Variants in PTPRD observed in about 807,000 individuals in gnomAD.
PTPRD encodes the protein receptor-type tyrosine-protein phosphatase delta.
In PTPRD, 34 loss-of-function variants were observed where a neutral mutation model predicts 214.5. The ratio of observed to expected loss-of-function variants is 0.16; its 90% CI spans 0.12 to 0.21. PTPRD has a LOEUF of 0.21. Ranked by LOEUF, PTPRD falls within the 10% of genes least tolerant of loss-of-function variation. The probability of loss-of-function intolerance (pLI) is 1.00; values close to 1 mark genes in which losing one functional copy is unlikely to be tolerated. For synonymous variants in PTPRD, 1,128 were observed against 845.7 expected (o/e 1.33, Z -5.79); for missense variants, 2,545 against 2,398.7 (o/e 1.06, Z -1.27).
At chr9:10,577,162 T>C (rs556484021) in intron 2 of PTPRD, among the ~76,000 whole-genome samples, 34 of 152,322 alleles carry the variant, frequency 2.2e-4, no homozygotes, top group African/African-American at 7.7e-4. Flanking sequence ...GAAAACTGCA[T>C]GTCTTCATTG....
At chr9:9,925,203 T>G (rs2083845229) in intron 5 of PTPRD, among the ~76,000 whole-genome samples, 1 of 152,110 alleles carries the variant, frequency 6.6e-6, no homozygotes, top group South Asian at 2.1e-4. Context: ...CTTATACTAC[T>G]GTAGAGAGGC....
chr9:10,027,087 G>C (rs760149324), intron 4 of PTPRD, among the ~76,000 whole-genome samples: 1 of 152,096 alleles, frequency 6.6e-6, no homozygotes, highest in South Asian at 2.1e-4. Flanking sequence ...TATTAATTCA[G>C]TTCACTCTGG....
intron 11 of PTPRD, among the ~76,000 whole-genome samples, chr9:8,968,008 GT>G (rs764112681): frequency 4.7e-4 from 71 of 151,132 alleles, no homozygotes; most frequent in African/African-American, 1.6e-3. Flanking sequence ...GTGGTGTTTG[GT>G]TTTTTTTTCC....
intron 8 of PTPRD, among the ~76,000 whole-genome samples, chr9:9,516,459 G>A: frequency 6.6e-6 from 1 of 150,764 alleles, no homozygotes; most frequent in African/African-American, 2.4e-5. Context: ...ACTTCATGAG[G>A]AATATCATTT....
At chr9:10,456,272 T>C (rs536411773) in intron 2 of PTPRD, among the ~76,000 whole-genome samples, 358 of 152,040 alleles carry the variant, frequency 2.4e-3, no homozygotes, top group Non-Finnish European at 4.1e-3. Context: ...TACCATTTCA[T>C]AGCTATCATT....
At chr9:9,084,033 C>T (rs1363084892) in intron 10 of PTPRD, among the ~76,000 whole-genome samples, 1 of 152,224 alleles carries the variant, frequency 6.6e-6, no homozygotes, top group East Asian at 1.9e-4. Context: ...TACCGTTTGA[C>T]CCAGCAATCC....
intron 9 of PTPRD, among the ~76,000 whole-genome samples, chr9:9,258,515 A>T (rs185025073): frequency 1.3e-5 from 2 of 152,122 alleles, no homozygotes; most frequent in African/African-American, 4.8e-5. Flanking sequence ...GTCACATTTT[A>T]GAATCAATAA....
chr9:8,594,864 T>A (rs13287116), intron 14 of PTPRD, among the ~76,000 whole-genome samples: 4,368 of 114,996 alleles, frequency 0.038, 67 homozygotes, highest in Non-Finnish European at 0.047. Flanking sequence ...TAACCCCTTT[T>A]TTTTTTTTTT....
At chr9:10,546,834 T>C (rs192662128) in intron 2 of PTPRD, among the ~76,000 whole-genome samples, 10 of 152,206 alleles carry the variant, frequency 6.6e-5, no homozygotes, top group Admixed American at 5.9e-4. Context: ...GATGGATACA[T>C]AGCAAAATAG....
intron 7 of PTPRD, among the ~76,000 whole-genome samples, chr9:9,629,898 A>AGAGAGTAGGGGAAAT (rs2095537548): frequency 6.6e-6 from 1 of 152,202 alleles, no homozygotes; most frequent in Admixed American, 6.5e-5. Context: ...TTATGTAGCA[A>AGAGAGTAGGGGAAAT]GAGAGTAGGG....
intron 39 of PTPRD, 128 bp from the exon 40 acceptor site, chr9:8,342,106 A>G (rs1296324747): frequency 2.0e-6 from 2 of 996,428 alleles, no homozygotes; most frequent in Non-Finnish European, 2.8e-6. Flanking sequence ...AGCTATTGGG[A>G]TGACTTTGTA....
At chr9:9,104,929 G>T (rs755725400) in intron 10 of PTPRD, among the ~76,000 whole-genome samples, 1 of 152,170 alleles carries the variant, frequency 6.6e-6, no homozygotes, top group Non-Finnish European at 1.5e-5. Flanking sequence ...GATAGGAAAA[G>T]ATAATTGCCA....
intron 3 of PTPRD, among the ~76,000 whole-genome samples, chr9:10,151,988 A>C (rs960682449): frequency 1.3e-5 from 2 of 152,210 alleles, no homozygotes; most frequent in Non-Finnish European, 2.9e-5. Context: ...AGTATGATTG[A>C]AGCTGCTATA....
chr9:8,353,704 G>A (rs1335812716), intron 39 of PTPRD, among the ~76,000 whole-genome samples: 5 of 151,640 alleles, frequency 3.3e-5, no homozygotes, highest in Non-Finnish European at 7.4e-5. Context: ...AAAGTGGTGG[G>A]ATTACAGGCA....
At chr9:8,808,434 T>C (rs2096731057) in intron 11 of PTPRD, among the ~76,000 whole-genome samples, 1 of 150,622 alleles carries the variant, frequency 6.6e-6, no homozygotes, top group South Asian at 2.1e-4. Context: ...AAAATTTATA[T>C]GCCAGTAGAA....
intron 5 of PTPRD, among the ~76,000 whole-genome samples, chr9:9,845,397 A>G (rs1315614081): frequency 6.6e-6 from 1 of 151,752 alleles, no homozygotes; most frequent in Non-Finnish European, 1.5e-5. Flanking sequence ...ATTTGAAGGC[A>G]AGGACCACCA....
rs1830606 is a variant in PTPRD at position 10,246,331 on chromosome 9, C to T, written c.-545+94632G>A. 2.3e-3 allele frequency among the ~76,000 whole-genome samples: 353 copies of T among 152,268 alleles called. No individual in the cohort carries two copies. The Middle Eastern group carries it at 0.031, about 13-fold the overall frequency. ...CGGTCTTGGCTCACTGCAACCTCCA[C>T]CTCTCAGATTCAAGTAATTCTCCTG... is the stretch of plus-strand genomic sequence containing the variant. On this transcript the variant is annotated intron_variant, in intron 3 of 45. Transcript: ENST00000381196.
intron 14 of PTPRD, among the ~76,000 whole-genome samples, chr9:8,551,948 T>A (rs1255607106): frequency 1.3e-5 from 2 of 152,168 alleles, no homozygotes; most frequent in Non-Finnish European, 2.9e-5. Context: ...GATAAAATAA[T>A]CTATGTTGGG....
chr9:9,007,601 C>G (rs2099483756), intron 11 of PTPRD, among the ~76,000 whole-genome samples: 1 of 151,904 alleles, frequency 6.6e-6, no homozygotes, highest in Non-Finnish European at 1.5e-5. Flanking sequence ...CCATTCCTTT[C>G]TCAGAGACCA....
Sources: allele counts gnomAD v4.1 joint callset (sites outside exome capture counted in the v4.1 genomes callset), GRCh38; gene constraint gnomAD v4.1.1; transcripts MANE v1.5; gene names NCBI Gene and HGNC (gene_info 2026-07-23, HGNC 2026-07-21).